KIFAP3: variants seen among roughly 807,000 people sequenced by gnomAD.
KIFAP3 encodes kinesin associated protein 3, also known as kinesin-associated protein 3.
In KIFAP3, 68 loss-of-function variants were observed where a neutral mutation model predicts 106.5. The ratio of observed to expected loss-of-function variants is 0.64; its 90% CI spans 0.53 to 0.78. The LOEUF is 0.78. Ranked by LOEUF, KIFAP3 falls within the 30% of genes least tolerant of loss-of-function variation. KIFAP3 has a pLI of 0.00. For missense variants in KIFAP3, 780 were observed against 941.8 expected, an observed-to-expected ratio of 0.83 and a Z score of 2.25; for synonymous variants, 320 against 311.5, an observed-to-expected ratio of 1.03 and a Z score of -0.29.
At chr1:169,950,152 T>A (rs1465819192) in intron 19 of KIFAP3, among the ~76,000 whole-genome samples, 3 of 152,094 alleles carry the variant, frequency 2.0e-5, no homozygotes, top group African/African-American at 7.2e-5. Flanking sequence ...AAATAAATAA[T>A]TTTTCTTTAA....
At chr1:170,075,560 T>G (rs539366616), upstream of KIFAP3, among the ~76,000 whole-genome samples, 1 of 152,356 alleles carries the variant, frequency 6.6e-6, no homozygotes, top group East Asian at 1.9e-4. Flanking sequence ...GATGCAATTA[T>G]TGATTATCCG....
intron 10 of KIFAP3, among the ~76,000 whole-genome samples, chr1:170,011,619 T>C (rs1668246949): frequency 6.6e-6 from 1 of 152,104 alleles, no homozygotes; most frequent in South Asian, 2.1e-4. Context: ...TTTAAAATAA[T>C]ATACTTTTTA....
chr1:169,963,192 G>C (rs1399796542), intron 17 of KIFAP3, among the ~76,000 whole-genome samples: 1 of 152,166 alleles, frequency 6.6e-6, no homozygotes, highest in Non-Finnish European at 1.5e-5. Flanking sequence ...TTATAAGTGA[G>C]AGCATGTGGT....
intron 18 of KIFAP3, among the ~76,000 whole-genome samples, chr1:169,960,051 T>A (rs551449512): frequency 3.3e-5 from 5 of 152,210 alleles, no homozygotes; most frequent in Admixed American, 2.0e-4. Context: ...ATGGAAAATT[T>A]GCACAATACA....
intron 16 of KIFAP3, 28 bp downstream of exon 16, chr1:169,978,057 T>A: frequency 7.1e-7 from 1 of 1,406,420 alleles, no homozygotes; most frequent in Non-Finnish European, 1.0e-6. Context: ...TGAAATATTG[T>A]TATCTACGGT....
chr1:169,942,826 T>C (rs1664205419), intron 19 of KIFAP3, among the ~76,000 whole-genome samples: 1 of 151,986 alleles, frequency 6.6e-6, no homozygotes, highest in Non-Finnish European at 1.5e-5. Flanking sequence ...GTCATAGCAG[T>C]TCAAGTGGTT....
At chr1:170,020,863 A>T (rs542260076) in intron 9 of KIFAP3, among the ~76,000 whole-genome samples, 1 of 152,308 alleles carries the variant, frequency 6.6e-6, no homozygotes, top group Non-Finnish European at 1.5e-5. Flanking sequence ...TCATATACTA[A>T]AACGACAATG....
upstream of KIFAP3, chr1:170,074,847 G>A (rs1009925271): frequency 4.1e-6 from 3 of 737,860 alleles, no homozygotes; most frequent in South Asian, 3.9e-5. Context: ...GAGTGGCTCC[G>A]TAGTCACCGC....
chr1:170,078,213 G>GT (rs142989917), upstream of KIFAP3, among the ~76,000 whole-genome samples: 33 of 147,762 alleles, frequency 2.2e-4, no homozygotes, highest in East Asian at 8.0e-4. Context: ...TTGGTATTTT[G>GT]TTTTTTTTTT....
intron 18 of KIFAP3, 100 bp from the exon 19 acceptor site, chr1:169,954,210 A>G (rs1664886581): frequency 2.7e-6 from 2 of 734,870 alleles, no homozygotes; most frequent in East Asian, 5.3e-5. Flanking sequence ...TTTAATCTAT[A>G]AAGAAAAATG....
chr1:169,931,006 A>C (rs1663439645), intron 19 of KIFAP3, among the ~76,000 whole-genome samples: 1 of 140,040 alleles, frequency 7.1e-6, no homozygotes, highest in African/African-American at 2.7e-5. Context: ...TGCAACCTCC[A>C]CCTCCTGGGT....
At chr1:170,017,157 T>C (rs1668563085) in intron 9 of KIFAP3, among the ~76,000 whole-genome samples, 1 of 145,956 alleles carries the variant, frequency 6.9e-6, no homozygotes, top group African/African-American at 2.6e-5. Flanking sequence ...CTTGGGAGGC[T>C]AAGGCAGAAG....
At chr1:170,019,607 G>C (rs992604364) in intron 9 of KIFAP3, among the ~76,000 whole-genome samples, 15 of 152,052 alleles carry the variant, frequency 9.9e-5, no homozygotes, top group Non-Finnish European at 1.8e-4. Context: ...CTCAGTAATA[G>C]ATACAGGAAA....
chr1:170,025,216 C>A (rs556102071), intron 8 of KIFAP3, among the ~76,000 whole-genome samples: 1 of 152,050 alleles, frequency 6.6e-6, no homozygotes, highest in Non-Finnish European at 1.5e-5. Flanking sequence ...AGTAAAATTT[C>A]TTTCAGATTT....
rs746020077 is a variant in KIFAP3, at chr1:170,041,853, C to A, written c.320-2565G>T. 6.4e-6 allele frequency: 9 copies of A among 1,412,886 alleles called. No individual in the cohort carries two copies. The African/African-American group carries it at 7.1e-5, about 11-fold the overall frequency. 87.5% of individuals were successfully genotyped at this position (1,412,886 alleles called of 1,614,324 possible). ...GACCCTTCCCAATCTGTAAAAAGGG[C>A]CCTGTTTAAGGGGAATTTCCCCAAC... On this transcript the variant is annotated intron_variant, in intron 3 of 19. Coordinates refer to ENST00000361580, the MANE Select transcript of KIFAP3 (RefSeq NM_014970.4).
intron 10 of KIFAP3, among the ~76,000 whole-genome samples, chr1:170,006,193 G>A (rs146153936): frequency 1.3e-5 from 2 of 152,244 alleles, no homozygotes; most frequent in Non-Finnish European, 2.9e-5. Context: ...AAGGGCAAAG[G>A]GAAGACTCAA....
intron 10 of KIFAP3, among the ~76,000 whole-genome samples, chr1:170,013,066 C>T (rs1486992778): frequency 2.0e-5 from 3 of 152,066 alleles, no homozygotes; most frequent in Non-Finnish European, 4.4e-5. Flanking sequence ...GCTCCATTTC[C>T]CCTTCTGCCA....
chr1:170,015,434 A>T (rs1362962343), intron 10 of KIFAP3, among the ~76,000 whole-genome samples: 1 of 152,164 alleles, frequency 6.6e-6, no homozygotes, highest in Non-Finnish European at 1.5e-5. Flanking sequence ...TTGGTTCTCC[A>T]AAACCAATTT....
At position 169,978,110 on chromosome 1, in the gene KIFAP3, T is replaced by G. The variant is rs772379870; in HGVS notation, c.1872A>C (p.Thr624=). 1.2e-5 allele frequency: 20 copies of G among 1,610,386 alleles called. No individual in the cohort carries two copies. Among genetic ancestry groups the G allele is most frequent in the Non-Finnish European group, 1.6e-5 (19 of 1,176,970 alleles). ...VFYQMVFHQA[T]RDVIIKETQA... ...GTGTTTCCTTGATTATGACGTCTCT[T>G]GTGGCTTGGTGGAAAACCATCTGGT... The change falls in exon 16 of 20, where the codon ACA becomes ACC. Residue 624 remains threonine, a synonymous_variant. Transcript: ENST00000361580.
Sources: allele counts gnomAD v4.1 joint callset (sites outside exome capture counted in the v4.1 genomes callset), GRCh38; gene constraint gnomAD v4.1.1; transcripts MANE v1.5; gene names NCBI Gene and HGNC (gene_info 2026-07-23, HGNC 2026-07-21).